The following DNAJC11 variants were observed in gnomAD, a reference collection of about 807,000 sequenced individuals.
The protein encoded by DNAJC11 is DnaJ heat shock protein family (Hsp40) member C11, also known as dnaJ homolog subfamily C member 11.
In DNAJC11, 15 loss-of-function variants were observed where a neutral mutation model predicts 78.6. The observed-to-expected ratio is 0.19, with a 90% CI of 0.13 to 0.29. The LOEUF is 0.29. Among genes scored for constraint, DNAJC11 ranks in the 10% least tolerant of loss-of-function variants. DNAJC11 has a pLI of 1.00. For missense variants in DNAJC11, 547 were observed against 709.6 expected, an observed-to-expected ratio of 0.77 and a Z score of 2.60; for synonymous variants, 292 against 272.1, an observed-to-expected ratio of 1.07 and a Z score of -0.72.
chr1:6,693,443 G>A (rs1363386609), intron 1 of DNAJC11, among the ~76,000 whole-genome samples: 4 of 151,888 alleles, frequency 2.6e-5, no homozygotes, highest in Non-Finnish European at 5.9e-5. Flanking sequence ...TGCAGTGGTG[G>A]TGCGATCTTG....
chr1:6,659,097 C>T (rs1642171037), intron 4 of DNAJC11, among the ~76,000 whole-genome samples: 1 of 152,198 alleles, frequency 6.6e-6, no homozygotes, highest in East Asian at 1.9e-4. Context: ...CCCCAGCAGC[C>T]CAACTTGCTC....
chr1:6,677,169 A>C lies in DNAJC11; in HGVS notation c.276+1225T>G, dbSNP rs537421628. Among the ~76,000 whole-genome samples the C allele has an allele frequency of 4.0e-5, 6 of 151,594 alleles. 1 individual carries two copies. The East Asian group carries it at 5.8e-4, about 15-fold the overall frequency. ...GCAAAACTTGGTCTCAAAAAAAAAAAAAAAACAAAAAAAACGAAGGAACTT... is the reference window on the plus strand; with the variant it reads ...GCAAAACTTGGTCTCAAAAAAAAAACAAAAACAAAAAAAACGAAGGAACTT... On this transcript the variant is annotated intron_variant, in intron 3 of 15. Coordinates refer to ENST00000377577, the MANE Select transcript of DNAJC11 (RefSeq NM_018198.4).
chr1:6,644,492 G>T, intron 10 of DNAJC11, 66 bp downstream of exon 10: 3 of 1,168,290 alleles, frequency 2.6e-6, no homozygotes, highest in South Asian at 1.2e-5. Context: ...GCCTTAACTT[G>T]GGTAAAGCCT....
Position 6,653,982 on chromosome 1 carries a change from ACTC to A in DNAJC11, c.433_435del (p.Glu145del), listed in dbSNP as rs754769571. The A allele has an allele frequency of 6.2e-7, 1 of 1,613,186 alleles. No individual in the cohort carries two copies. The highest frequency in any genetic ancestry group is 1.1e-5 in the South Asian group (1 of 91,046). The stretch of plus-strand genomic sequence containing the variant: ...AAGCTACTGCCGGACACATCTTCAT[ACTC>A]CTCATCATAGCGATCAAAAAGGTCG... On this transcript the variant is annotated inframe_deletion, in exon 5 of 16. Coordinates refer to ENST00000377577, the MANE Select transcript of DNAJC11 (RefSeq NM_018198.4). This position sits in a 1 kb window ranked among gnomAD's most constrained non-coding sequence, Gnocchi z 4.5.
intron 1 of DNAJC11, among the ~76,000 whole-genome samples, chr1:6,696,574 C>T (rs891198878): frequency 2.0e-5 from 3 of 152,122 alleles, no homozygotes; most frequent in Non-Finnish European, 1.5e-5. Context: ...GCTAAGGAAA[C>T]CCCAACAACA....
chr1:6,693,331 T>C (rs530385136), intron 1 of DNAJC11, among the ~76,000 whole-genome samples: 5 of 152,302 alleles, frequency 3.3e-5, no homozygotes, highest in African/African-American at 9.6e-5. Context: ...AGTATGTCTT[T>C]CACATTTTTA....
At chr1:6,687,646 T>C (rs1257185953) in intron 1 of DNAJC11, among the ~76,000 whole-genome samples, 3 of 152,172 alleles carry the variant, frequency 2.0e-5, no homozygotes, top group Non-Finnish European at 2.9e-5. Flanking sequence ...CGTGAGCCAC[T>C]GTGCCCGGCC....
At chr1:6,691,522 G>C (rs1642745863) in intron 1 of DNAJC11, among the ~76,000 whole-genome samples, 1 of 152,182 alleles carries the variant, frequency 6.6e-6, no homozygotes, top group Admixed American at 6.5e-5. Flanking sequence ...TATCTTCACA[G>C]TAAGAAATCG....
intron 11 of DNAJC11, among the ~76,000 whole-genome samples, chr1:6,638,608 G>A (rs1179554511): frequency 2.0e-5 from 3 of 152,204 alleles, no homozygotes; most frequent in Non-Finnish European, 2.9e-5. Context: ...ACGGGACACC[G>A]ACTGTCAGTC....
In DNAJC11 at chr1:6,651,547, C is replaced by T. The variant is rs371586809; in HGVS notation, c.686G>A (p.Arg229His). 2.9e-5 allele frequency: 47 copies of T among 1,613,862 alleles called. No homozygotes were observed. The highest frequency in any genetic ancestry group is 4.0e-5 in the African/African-American group (3 of 74,930). ...QGPLFGLKLFRNLTPRCFVTT... is the reference protein window; with the variant it reads ...QGPLFGLKLFHNLTPRCFVTT... Reference sequence around the variant, plus strand: ...TATTTACCATCTTGGTGTGAGATTACGGAACAGCTTGAGACCGAACAAAGG... The same window carrying T: ...TATTTACCATCTTGGTGTGAGATTATGGAACAGCTTGAGACCGAACAAAGG... The change falls in exon 7 of 16, where the codon CGT (arginine) becomes CAT (histidine). Residue 229 changes from arginine (R) to histidine (H), a missense_variant. By Grantham distance (29) the Arg-to-His change is conservative (BLOSUM62 0). Transcript: ENST00000377577.
At chr1:6,651,492 A>C in intron 7 of DNAJC11, 37 bp downstream of exon 7, 5 of 1,580,340 alleles carry the variant, frequency 3.2e-6, no homozygotes, top group Non-Finnish European at 4.3e-6. Context: ...AAGCCAACAA[A>C]GACCACCAAA....
Position 6,654,175 on chromosome 1 carries a change from C to T in DNAJC11, c.379-136G>A, listed in dbSNP as rs994311633. On this transcript the variant is annotated intron_variant, in intron 4 of 15. Coordinates refer to ENST00000377577, the MANE Select transcript of DNAJC11 (RefSeq NM_018198.4). ...GGGTTCACTGGGTTTAGGTAGGACA[C>T]TCCACCAGGAAGCCCACAAAGCATG... The T allele has an allele frequency of 2.6e-5, 27 of 1,053,620 alleles. No individual in the cohort carries two copies. The East Asian group carries it at 7.6e-4, about 30-fold the overall frequency. 65.3% of individuals were successfully genotyped at this position (1,053,620 alleles called of 1,614,324 possible).
chr1:6,648,790 C>T (rs1642006509), intron 7 of DNAJC11, among the ~76,000 whole-genome samples: 1 of 152,060 alleles, frequency 6.6e-6, no homozygotes, highest in African/African-American at 2.4e-5. Flanking sequence ...CTGGGGTGAC[C>T]AATCTAAGTA....
At chr1:6,693,862 C>CA (rs1483707948) in intron 1 of DNAJC11, among the ~76,000 whole-genome samples, 1 of 124,468 alleles carries the variant, frequency 8.0e-6, no homozygotes, top group East Asian at 2.5e-4. Flanking sequence ...TTTTTGGAGA[C>CA]AGAGTCTCGC....
intron 1 of DNAJC11, among the ~76,000 whole-genome samples, chr1:6,687,997 C>T (rs1453874398): frequency 6.6e-6 from 1 of 152,106 alleles, no homozygotes. Flanking sequence ...AAATACCATA[C>T]AAAAAAATAT....
chr1:6,640,217 G>A (rs1641854060), intron 10 of DNAJC11, among the ~76,000 whole-genome samples, 160 bp from the exon 11 acceptor site: 1 of 152,102 alleles, frequency 6.6e-6, no homozygotes, highest in Admixed American at 6.6e-5. Flanking sequence ...ACCACCTTCT[G>A]GCCTCCCGTT....
In DNAJC11 at chr1:6,634,663, C is replaced by T. The variant is rs116290936; in HGVS notation, c.*1012G>A. ...CAGGCCGTGGAGGGGGTCCTAGCTC[C>T]GCTGCATTCTGCATCCCAAGTGGGC... On this transcript the variant is annotated 3_prime_UTR_variant, in exon 16 of 16. Coordinates refer to ENST00000377577, the MANE Select transcript of DNAJC11 (RefSeq NM_018198.4). 2,581 of 1,366,424 alleles carry T rather than the reference C, an allele frequency of 1.9e-3. 39 individuals carry two copies. In the African/African-American group the frequency reaches 0.033, roughly 18 times the overall value. The allele number at this position is 1,366,424 out of a possible 1,614,324, so 84.6% of individuals were successfully genotyped here.
At chr1:6,647,114 G>A (rs569761390) in intron 7 of DNAJC11, among the ~76,000 whole-genome samples, 13 of 123,904 alleles carry the variant, frequency 1.0e-4, no homozygotes, top group African/African-American at 4.0e-4. Flanking sequence ...ACGGAGTTTC[G>A]CTCGTCCAGG....
chr1:6,636,012 G>A, intron 15 of DNAJC11, 105 bp downstream of exon 15: 1 of 1,443,802 alleles, frequency 6.9e-7, no homozygotes, highest in South Asian at 1.4e-5. Flanking sequence ...GCTCCCAGGT[G>A]GGCAGCTGAG....
Sources: allele counts gnomAD v4.1 joint callset (sites outside exome capture counted in the v4.1 genomes callset), GRCh38; gene constraint gnomAD v4.1.1; non-coding constraint Gnocchi (gnomAD v3.1); transcripts MANE v1.5; gene names NCBI Gene and HGNC (gene_info 2026-07-23, HGNC 2026-07-21).